Variants in BRIP1 observed in about 807,000 individuals in gnomAD.
BRIP1 encodes the protein Fanconi anemia group J protein.
Under a neutral mutation model 119.7 loss-of-function variants are expected in BRIP1, and 88 were observed. The observed-to-expected ratio is 0.74, with a 90% CI of 0.62 to 0.88. BRIP1 has a LOEUF of 0.88. Among genes scored for constraint, BRIP1 ranks in the 40% least tolerant of loss-of-function variants. The pLI, the probability that BRIP1 is intolerant of heterozygous loss-of-function variation, is 0.00. For synonymous variants in BRIP1, 443 were observed against 496.5 expected, an observed-to-expected ratio of 0.89 and a Z score of 1.43; for missense variants, 1,259 against 1,455.4, an observed-to-expected ratio of 0.87 and a Z score of 2.20.
chr17:61,777,483 C>T (rs1169504525), intron 13 of BRIP1, among the ~76,000 whole-genome samples: 1 of 152,106 alleles, frequency 6.6e-6, no homozygotes, highest in African/African-American at 2.4e-5. Flanking sequence ...AAGACTGCCC[C>T]TGATTTCTGT....
chr17:61,814,261 T>C lies in BRIP1; in HGVS notation c.628-5504A>G, dbSNP rs1369056002. Among the ~76,000 whole-genome samples the C allele has an allele frequency of 6.6e-6, 1 of 151,980 alleles. No homozygotes were observed. Among genetic ancestry groups the C allele is most frequent in the East Asian group, 1.9e-4 (1 of 5,194 alleles). On this transcript the variant is annotated intron_variant, in intron 6 of 19. Transcript: ENST00000259008. This position sits in a 1 kb window ranked among gnomAD's most constrained non-coding sequence, Gnocchi z 4.9. ...GTGAAAACACAGCTTCATTAACATG[T>C]TAAACTTCTATTTAAAGATACATAT...
Position 61,724,082 on chromosome 17 carries a change from C to G in BRIP1, c.2380-8019G>C, listed in dbSNP as rs2062025397. Among the ~76,000 whole-genome samples, 1 of 151,852 alleles carries G rather than the reference C, an allele frequency of 6.6e-6. No homozygotes were observed. Among genetic ancestry groups the G allele is most frequent in the Non-Finnish European group, 1.5e-5 (1 of 67,966 alleles). The stretch of plus-strand genomic sequence containing the variant: ...CAAGTTTGTACCAAATGTAAAGCTC[C>G]CTTACTATGATAGTTTTTAGACAAA... On this transcript the variant is annotated intron_variant, in intron 16 of 19. Transcript: ENST00000259008. The surrounding 1 kb of genome is among the most constrained non-coding windows in gnomAD (Gnocchi z 5.1).
At position 61,775,190 on chromosome 17, in the gene BRIP1, G is replaced by A. The variant is rs113674967; in HGVS notation, c.2097+1211C>T. ...CTAGTTTTCCTAAATATAACTGTTT[G>A]GTGTAGATGTTCACACTGGAATAAA... On this transcript the variant is annotated intron_variant, in intron 14 of 19. Coordinates refer to ENST00000259008, the MANE Select transcript of BRIP1 (RefSeq NM_032043.3). The surrounding 1 kb of genome is among the most constrained non-coding windows in gnomAD (Gnocchi z 4.4). 2.0e-5 allele frequency among the ~76,000 whole-genome samples: 3 copies of A among 152,146 alleles called. No individual in the cohort carries two copies. Among genetic ancestry groups the A allele is most frequent in the African/African-American group, 7.2e-5 (3 of 41,536 alleles).
At position 61,683,574 on chromosome 17, in the gene BRIP1, A is replaced by G. The variant is rs1060504330; in HGVS notation, c.3472T>C (p.Leu1158=). The change falls in exon 20 of 20, where the codon TTG becomes CTG. Residue 1158 remains leucine (L), a synonymous_variant. Transcript: ENST00000259008. The surrounding 1 kb of genome is among the most constrained non-coding windows in gnomAD (Gnocchi z 4.7). ...DLAETDRGNR[L]ANNSDCILAK... ...AAAATGCAATCTGAATTGTTAGCCA[A>G]TCTATTTCCTCTATCAGTTTCAGCT... 1.9e-6 allele frequency: 3 copies of G among 1,612,744 alleles called. No homozygotes were observed. Among genetic ancestry groups the G allele is most frequent in the Non-Finnish European group, 2.5e-6 (3 of 1,179,978 alleles).
rs2078339351 is a variant in BRIP1, at chr17:61,822,379, T to G, written c.628-13622A>C. On this transcript the variant is annotated intron_variant, in intron 6 of 19. Coordinates refer to ENST00000259008, the MANE Select transcript of BRIP1 (RefSeq NM_032043.3). The surrounding 1 kb of genome is among the most constrained non-coding windows in gnomAD (Gnocchi z 4.4). ...TACTACCAAAAGGAGAAGTAACTAGTTTTTCAGGGCTTGCAGAATCATTTT... is the reference window on the plus strand; with the variant it reads ...TACTACCAAAAGGAGAAGTAACTAGGTTTTCAGGGCTTGCAGAATCATTTT... 6.6e-6 allele frequency among the ~76,000 whole-genome samples: 1 copy of G among 152,030 alleles called. No homozygotes were observed. The highest frequency in any genetic ancestry group is 1.5e-5 in the Non-Finnish European group (1 of 68,006).
At chr17:61,838,631 A>T (rs2078612178) in intron 6 of BRIP1, among the ~76,000 whole-genome samples, 1 of 151,664 alleles carries the variant, frequency 6.6e-6, no homozygotes, top group African/African-American at 2.4e-5. Flanking sequence ...TTTTCCTTCC[A>T]TATGAAGGAA....
intron 17 of BRIP1, among the ~76,000 whole-genome samples, chr17:61,698,967 TC>T (rs557895726): frequency 5.8e-4 from 89 of 152,322 alleles, no homozygotes; most frequent in African/African-American, 1.9e-3. Flanking sequence ...TCTGCCCACC[TC>T]AGCCTCCCAA....
chr17:61,782,379 C>T (rs551677640), intron 11 of BRIP1, among the ~76,000 whole-genome samples: 1 of 112,180 alleles, frequency 8.9e-6, no homozygotes, highest in South Asian at 3.4e-4. Flanking sequence ...GAGCGAGACT[C>T]CCGTCTCAGA....
chr17:61,788,281 G>A (rs1172820378), intron 10 of BRIP1, among the ~76,000 whole-genome samples: 2 of 151,880 alleles, frequency 1.3e-5, no homozygotes, highest in African/African-American at 4.8e-5. Context: ...TCTAACCAAA[G>A]CCATCTAATC....
At position 61,764,274 on chromosome 17, in the gene BRIP1, A is replaced by C. The variant is rs528109503; in HGVS notation, c.2097+12127T>G. Among the ~76,000 whole-genome samples, 60 of 152,324 alleles carry C rather than the reference A, an allele frequency of 3.9e-4. 2 individuals are homozygous for C. The South Asian group carries it at 0.012, about 31-fold the overall frequency. ...AGCTGATGTGGAAAAGAGAAAGACA[A>C]GACATAAACATTGCACAGCCCAGGA... is the stretch of plus-strand genomic sequence containing the variant. On this transcript the variant is annotated intron_variant, in intron 14 of 19. Coordinates refer to ENST00000259008, the MANE Select transcript of BRIP1 (RefSeq NM_032043.3).
At chr17:61,786,272 T>C (rs2077705951) in intron 10 of BRIP1, among the ~76,000 whole-genome samples, 1 of 151,970 alleles carries the variant, frequency 6.6e-6, no homozygotes, top group Admixed American at 6.6e-5. Context: ...AAATCATCAT[T>C]ATACTTAACA....
At position 61,843,412 on chromosome 17, in the gene BRIP1, T is replaced by G. The variant is rs1247347862; in HGVS notation, c.627+3689A>C. Among the ~76,000 whole-genome samples, 2 of 152,098 alleles carry G rather than the reference T, an allele frequency of 1.3e-5. No individual in the cohort carries two copies. The highest frequency in any genetic ancestry group is 2.9e-5 in the Non-Finnish European group (2 of 68,008). On this transcript the variant is annotated intron_variant, in intron 6 of 19. Coordinates refer to ENST00000259008, the MANE Select transcript of BRIP1 (RefSeq NM_032043.3). This position sits in a 1 kb window ranked among gnomAD's most constrained non-coding sequence, Gnocchi z 5.7. Reference sequence around the variant, plus strand: ...CACAAAAGGTAACTATGTAAGGAGATGAATATATTAATTAGCTTGTGATAT... The same window carrying G: ...CACAAAAGGTAACTATGTAAGGAGAGGAATATATTAATTAGCTTGTGATAT...
At position 61,744,510 on chromosome 17, in the gene BRIP1, G is replaced by T. The variant is rs769797684; in HGVS notation, c.2179C>A (p.Pro727Thr). 3 of 1,613,532 alleles carry T rather than the reference G, an allele frequency of 1.9e-6. No individual in the cohort carries two copies. In the South Asian group the frequency reaches 3.3e-5, roughly 18 times the overall value. Residue 727 changes from proline to threonine, a missense_variant, in exon 15 of 20, where the codon CCA becomes ACA. Around this residue, in one of 3 missense-constraint regions of BRIP1, gnomAD observed 753 missense variants for 891.8 expected, o/e 0.84. Transcript: ENST00000259008. The surrounding 1 kb of genome is among the most constrained non-coding windows in gnomAD (Gnocchi z 5.0). ...LELVKTVIVE[P>T]QGGEKTNFDE... ...AAATTTGTTTTTTCTCCTCCCTGTGGTTCTACAATGACTGTCTTCACCAAC... is the reference window on the plus strand; with the variant it reads ...AAATTTGTTTTTTCTCCTCCCTGTGTTTCTACAATGACTGTCTTCACCAAC...
Position 61,828,715 on chromosome 17 carries a change from G to A in BRIP1, c.627+18386C>T, listed in dbSNP as rs2078445430. Among the ~76,000 whole-genome samples, 1 of 152,132 alleles carries A rather than the reference G, an allele frequency of 6.6e-6. No homozygotes were observed. Among genetic ancestry groups the A allele is most frequent in the Non-Finnish European group, 1.5e-5 (1 of 68,006 alleles). On this transcript the variant is annotated intron_variant, in intron 6 of 19. Coordinates refer to ENST00000259008, the MANE Select transcript of BRIP1 (RefSeq NM_032043.3). The surrounding 1 kb of genome is among the most constrained non-coding windows in gnomAD (Gnocchi z 4.1). Reference sequence around the variant, plus strand: ...CAGAAGTGAAAAACTGGAGGGTTAAGAAAGAAATTATTTTCCTCATTTGTA... The same window carrying A: ...CAGAAGTGAAAAACTGGAGGGTTAAAAAAGAAATTATTTTCCTCATTTGTA...
intron 6 of BRIP1, among the ~76,000 whole-genome samples, chr17:61,818,914 G>A (rs866504365): frequency 3.3e-5 from 5 of 152,132 alleles, no homozygotes; most frequent in Admixed American, 2.6e-4. Flanking sequence ...GGCTGGGCAC[G>A]GTGGCTCACA....
Position 61,704,865 on chromosome 17 carries a change from CT to C in BRIP1, c.2492+11085del, listed in dbSNP as rs2061669077. 6.6e-6 allele frequency among the ~76,000 whole-genome samples: 1 copy of C among 151,050 alleles called. No homozygotes were observed. The highest frequency in any genetic ancestry group is 1.9e-4 in the East Asian group (1 of 5,160). On this transcript the variant is annotated intron_variant, in intron 17 of 19. Coordinates refer to ENST00000259008, the MANE Select transcript of BRIP1 (RefSeq NM_032043.3). The surrounding 1 kb of genome is among the most constrained non-coding windows in gnomAD (Gnocchi z 5.7). ...AGTAACTGTGGCTTCTCTTTTTTTTCTTTGTTAATTTTGCTAGAGGTTTATC... is the reference window on the plus strand; with the variant it reads ...AGTAACTGTGGCTTCTCTTTTTTTTCTTGTTAATTTTGCTAGAGGTTTATC...
At chr17:61,721,395 G>C (rs543185905) in intron 16 of BRIP1, among the ~76,000 whole-genome samples, 11 of 147,372 alleles carry the variant, frequency 7.5e-5, no homozygotes, top group African/African-American at 2.7e-4. Flanking sequence ...TCAGCCTCCC[G>C]AGTAGCTGAG....
In BRIP1 at chr17:61,774,779, C is replaced by G. The variant is rs2077509339; in HGVS notation, c.2097+1622G>C. 6.6e-6 allele frequency among the ~76,000 whole-genome samples: 1 copy of G among 151,958 alleles called. No individual in the cohort carries two copies. Among genetic ancestry groups the G allele is most frequent in the South Asian group, 2.1e-4 (1 of 4,816 alleles). On this transcript the variant is annotated intron_variant, in intron 14 of 19. Coordinates refer to ENST00000259008, the MANE Select transcript of BRIP1 (RefSeq NM_032043.3). The surrounding 1 kb of genome is among the most constrained non-coding windows in gnomAD (Gnocchi z 5.8). ...GCAGAAAAATAATCTATTCATTTTGCTAATATATATACAGTCACTAAAAAG... is the reference window on the plus strand; with the variant it reads ...GCAGAAAAATAATCTATTCATTTTGGTAATATATATACAGTCACTAAAAAG...
chr17:61,821,287 T>C (rs1008030337), intron 6 of BRIP1, among the ~76,000 whole-genome samples: 4 of 152,124 alleles, frequency 2.6e-5, no homozygotes, highest in African/African-American at 9.7e-5. Flanking sequence ...ACATGAAGAC[T>C]GGTTGTGGGA....
Sources: allele counts gnomAD v4.1 joint callset (sites outside exome capture counted in the v4.1 genomes callset), GRCh38; gene constraint gnomAD v4.1.1; regional missense constraint gnomAD v4.1.1; non-coding constraint Gnocchi (gnomAD v3.1); transcripts MANE v1.5; gene names NCBI Gene and HGNC (gene_info 2026-07-23, HGNC 2026-07-21).